The following SPAG16 variants were observed in gnomAD, a reference collection of about 807,000 sequenced individuals.
SPAG16 encodes sperm associated antigen 16, also known as sperm-associated antigen 16 protein.
Under a neutral mutation model 80.4 loss-of-function variants are expected in SPAG16, and 86 were observed. The observed-to-expected ratio is 1.07, with a 90% CI of 0.90 to 1.28. The LOEUF is 1.28. SPAG16 is among the 50% of genes most tolerant of loss of function. The pLI is 0.00. For synonymous variants in SPAG16, 294 were observed against 265.9 expected, an observed-to-expected ratio of 1.11 and a Z score of -1.03; for missense variants, 870 against 765.3, an observed-to-expected ratio of 1.14 and a Z score of -1.61.
chr2:213,441,283 T>G (rs2070936126), intron 9 of SPAG16, among the ~76,000 whole-genome samples: 1 of 152,226 alleles, frequency 6.6e-6, no homozygotes, highest in Non-Finnish European at 1.5e-5. Context: ...AATAATCTAT[T>G]AATTTACAAT....
intron 11 of SPAG16, among the ~76,000 whole-genome samples, chr2:213,878,756 G>T (rs1421066066): frequency 6.6e-6 from 1 of 151,792 alleles, no homozygotes; most frequent in African/African-American, 2.4e-5. Flanking sequence ...AGTTTTCTCT[G>T]TTTTCATCAT....
chr2:213,899,876 T>C (rs1231919944), intron 11 of SPAG16, among the ~76,000 whole-genome samples: 1 of 152,104 alleles, frequency 6.6e-6, no homozygotes, highest in Admixed American at 6.6e-5. Flanking sequence ...ATTTAAAAAA[T>C]ATTGACCTGA....
intron 15 of SPAG16, among the ~76,000 whole-genome samples, chr2:214,218,105 G>T (rs1169271818): frequency 6.6e-6 from 1 of 152,104 alleles, no homozygotes; most frequent in Admixed American, 6.5e-5. Flanking sequence ...AAGAGAGAAT[G>T]ATAGCATTGT....
At chr2:213,436,480 T>A (rs1366934161) in intron 9 of SPAG16, among the ~76,000 whole-genome samples, 2 of 152,240 alleles carry the variant, frequency 1.3e-5, no homozygotes, top group Non-Finnish European at 2.9e-5. Flanking sequence ...CTTCTGTTAA[T>A]ATAATTGTAT....
At chr2:214,105,847 G>C (rs2053353493) in intron 13 of SPAG16, among the ~76,000 whole-genome samples, 1 of 151,942 alleles carries the variant, frequency 6.6e-6, no homozygotes, top group South Asian at 2.1e-4. Flanking sequence ...CTTTTATCTT[G>C]GGAACAAAGC....
chr2:213,335,972 T>G (rs1262239596), intron 5 of SPAG16, among the ~76,000 whole-genome samples: 1 of 149,066 alleles, frequency 6.7e-6, no homozygotes, highest in Non-Finnish European at 1.5e-5. Context: ...AAACAGCCAG[T>G]GAATTCTGAA....
chr2:213,935,201 CAAAA>C (rs397872306), intron 12 of SPAG16, among the ~76,000 whole-genome samples: 19 of 102,708 alleles, frequency 1.8e-4, no homozygotes, highest in East Asian at 2.9e-4. Flanking sequence ...GACTCCATCT[CAAAA>C]AAAAAAAAAA....
At chr2:214,367,920 T>C (rs1321430877) in intron 15 of SPAG16, among the ~76,000 whole-genome samples, 2 of 152,216 alleles carry the variant, frequency 1.3e-5, no homozygotes, top group African/African-American at 4.8e-5. Context: ...TGAACATTTT[T>C]CCCCCAATTC....
intron 10 of SPAG16, among the ~76,000 whole-genome samples, chr2:213,720,689 A>G (rs2066482646): frequency 1.3e-5 from 2 of 151,588 alleles, no homozygotes; most frequent in Admixed American, 1.3e-4. Flanking sequence ...TGATGTTAGA[A>G]GGGTTTGGGA....
intron 10 of SPAG16, among the ~76,000 whole-genome samples, chr2:213,723,748 G>A (rs1385582307): frequency 6.6e-6 from 1 of 152,040 alleles, no homozygotes; most frequent in Non-Finnish European, 1.5e-5. Context: ...ATTGTTATAG[G>A]GCTTATATAA....
At chr2:213,944,391 C>T (rs1178011974) in intron 12 of SPAG16, among the ~76,000 whole-genome samples, 1 of 152,194 alleles carries the variant, frequency 6.6e-6, no homozygotes, top group East Asian at 1.9e-4. Flanking sequence ...TGAGACCTGA[C>T]ACATCTTTCT....
chr2:213,606,879 G>A (rs2061280800), intron 10 of SPAG16, among the ~76,000 whole-genome samples: 1 of 152,106 alleles, frequency 6.6e-6, no homozygotes, highest in African/African-American at 2.4e-5. Flanking sequence ...CAGAAACAAT[G>A]GCGAATAATC....
chr2:214,069,586 C>T lies in SPAG16; in HGVS notation c.1528-38610C>T, dbSNP rs564881359. On this transcript the variant is annotated intron_variant, in intron 13 of 15. Transcript: ENST00000331683. ...TCCCATCCAATTCTATCCCTTCACCCTCATTCCAGTGCCAACCTAAAATCA... is the reference window on the plus strand; with the variant it reads ...TCCCATCCAATTCTATCCCTTCACCTTCATTCCAGTGCCAACCTAAAATCA... Among the ~76,000 whole-genome samples the T allele has an allele frequency of 3.3e-5, 5 of 152,242 alleles. No homozygotes were observed. The East Asian group carries it at 9.7e-4, about 29-fold the overall frequency.
At chr2:214,390,693 T>G (rs1198144386) in intron 15 of SPAG16, among the ~76,000 whole-genome samples, 1 of 152,028 alleles carries the variant, frequency 6.6e-6, no homozygotes, top group Non-Finnish European at 1.5e-5. Flanking sequence ...CAGCCTGAGT[T>G]CTAGGGGCAA....
At chr2:214,034,127 T>C (rs2048562297) in intron 13 of SPAG16, among the ~76,000 whole-genome samples, 1 of 152,214 alleles carries the variant, frequency 6.6e-6, no homozygotes, top group Non-Finnish European at 1.5e-5. Context: ...TTTCTTCTTG[T>C]TTACATTCAC....
At chr2:213,631,523 A>C (rs1296578265) in intron 10 of SPAG16, among the ~76,000 whole-genome samples, 1 of 152,172 alleles carries the variant, frequency 6.6e-6, no homozygotes, top group Admixed American at 6.5e-5. Context: ...GAAGTGATTG[A>C]ATCATGGGGG....
At chr2:214,291,591 C>T (rs1693809424) in intron 15 of SPAG16, among the ~76,000 whole-genome samples, 1 of 152,090 alleles carries the variant, frequency 6.6e-6, no homozygotes, top group Non-Finnish European at 1.5e-5. Context: ...AGGCGTGAGC[C>T]ACCGCGCCCG....
chr2:214,365,140 G>A (rs1425578861), intron 15 of SPAG16, among the ~76,000 whole-genome samples: 7 of 152,150 alleles, frequency 4.6e-5, no homozygotes, highest in Admixed American at 6.6e-5. Context: ...GACAGAAGGC[G>A]CGCTCCTGCT....
chr2:213,319,405 AT>A (rs2063527566), intron 5 of SPAG16, among the ~76,000 whole-genome samples: 1 of 151,872 alleles, frequency 6.6e-6, no homozygotes, highest in Non-Finnish European at 1.5e-5. Flanking sequence ...AGGTATATAA[AT>A]TTTGTATTGT....
Sources: gnomAD v4.1 joint callset for allele counts (sites outside exome capture counted in the v4.1 genomes callset) on GRCh38, gnomAD v4.1.1 for gene constraint, MANE v1.5 for transcripts, NCBI Gene and HGNC (gene_info 2026-07-23, HGNC 2026-07-21) for gene names.